FAM186A: variants seen among roughly 807,000 people sequenced by gnomAD.
The protein encoded by FAM186A is protein FAM186A.
FAM186A carries 163 observed loss-of-function variants against 216.8 expected under a neutral mutation model. That is an observed-to-expected ratio of 0.75 (90% CI 0.66 to 0.86). FAM186A has a LOEUF of 0.86. Ranked by LOEUF, FAM186A falls within the 40% of genes least tolerant of loss-of-function variation. The probability of loss-of-function intolerance (pLI) is 0.00; values close to 1 mark genes in which losing one functional copy is unlikely to be tolerated. For synonymous variants in FAM186A, 805 were observed against 1,025.3 expected (o/e 0.79, Z 4.10); for missense variants, 2,184 against 2,746.2 (o/e 0.80, Z 4.58).
intron 4 of FAM186A, among the ~76,000 whole-genome samples, chr12:50,339,741 T>TAC (rs10611207): frequency 0.024 from 3,549 of 148,468 alleles, 98 homozygotes; most frequent in East Asian, 0.088. Flanking sequence ...CAAAGTACTT[T>TAC]ACACACACAC....
rs561710867 is a variant in FAM186A, at chr12:50,361,999, G to A, written c.413-1073C>T. On this transcript the variant is annotated intron_variant, in intron 2 of 7. Coordinates refer to ENST00000327337, the MANE Select transcript of FAM186A (RefSeq NM_001145475.3). ...TGTTTTTGTTGTTGTTTTGGAGACAGTCTCACTCTGTCACCCAGGCTGGAG... is the reference window on the plus strand; with the variant it reads ...TGTTTTTGTTGTTGTTTTGGAGACAATCTCACTCTGTCACCCAGGCTGGAG... Among the ~76,000 whole-genome samples the A allele has an allele frequency of 4.6e-5, 7 of 152,026 alleles. No homozygotes were observed. In the South Asian group the frequency reaches 1.5e-3, roughly 32 times the overall value.
At chr12:50,372,214 A>T (rs866882214) in intron 1 of FAM186A, among the ~76,000 whole-genome samples, 6 of 152,214 alleles carry the variant, frequency 3.9e-5, no homozygotes, top group African/African-American at 1.4e-4. Context: ...ATCTAACTTA[A>T]GTCAAGAACA....
intron 1 of FAM186A, among the ~76,000 whole-genome samples, chr12:50,394,755 T>TTA (rs1408675684): frequency 7.2e-6 from 1 of 139,364 alleles, no homozygotes; most frequent in African/African-American, 2.7e-5. Context: ...TTTTTTTTTT[T>TTA]TTTTTAGAGA....
chr12:50,343,900 T>A (rs1406076028), intron 4 of FAM186A, among the ~76,000 whole-genome samples: 1 of 150,224 alleles, frequency 6.7e-6, no homozygotes, highest in African/African-American at 2.4e-5. Flanking sequence ...ATTATAGGTG[T>A]GAGCCACCAC....
intron 3 of FAM186A, among the ~76,000 whole-genome samples, chr12:50,359,581 C>G (rs1010972674): frequency 2.0e-5 from 3 of 151,802 alleles, no homozygotes; most frequent in African/African-American, 4.8e-5. Flanking sequence ...TCTACCCCCC[C>G]AAAAAAAATG....
rs1267700373 is a variant in FAM186A at position 50,352,805 on chromosome 12, G to A, written c.4027C>T (p.Gln1343Ter). ...QTQEITLTPQ[Q>*]AQALGMPLTT... ...AGAGGCATCCCCAAGGCCTGGGCCT[G>A]CTGAGGGGTGAGAGTGATCTCCTGA... is the stretch of plus-strand genomic sequence containing the variant. The change falls in exon 4 of 8, where the codon CAG (glutamine) becomes TAG (stop). Residue 1343 changes from glutamine (Q) to a stop codon, truncating the protein, a stop_gained. Coordinates refer to ENST00000327337, the MANE Select transcript of FAM186A (RefSeq NM_001145475.3). LOFTEE classifies it high-confidence loss of function. 3.2e-6 allele frequency: 5 copies of A among 1,549,056 alleles called. No individual in the cohort carries two copies. The African/African-American group carries it at 6.9e-5, about 21-fold the overall frequency.
chr12:50,343,717 C>T (rs1446509213), intron 4 of FAM186A, among the ~76,000 whole-genome samples: 3 of 152,190 alleles, frequency 2.0e-5, no homozygotes, highest in Admixed American at 6.5e-5. Context: ...CTCCCGGGTT[C>T]AAGCCATTCT....
intron 1 of FAM186A, among the ~76,000 whole-genome samples, chr12:50,390,378 C>T (rs1592637863): frequency 6.6e-6 from 1 of 152,164 alleles, no homozygotes; most frequent in Non-Finnish European, 1.5e-5. Context: ...TCAACTGGCT[C>T]AAGTTTGGGA....
At chr12:50,376,747 T>TCTC (rs1491200928) in intron 1 of FAM186A, among the ~76,000 whole-genome samples, 3 of 4,648 alleles carry the variant, frequency 6.5e-4, no homozygotes, top group African/African-American at 7.7e-4. Flanking sequence ...TCTCTCTCTC[T>TCTC]TTTTTTTTTT....
intron 1 of FAM186A, among the ~76,000 whole-genome samples, chr12:50,381,851 T>C (rs577211995): frequency 6.6e-6 from 1 of 152,188 alleles, no homozygotes; most frequent in Admixed American, 6.6e-5. Flanking sequence ...TCCCAGCTAC[T>C]GAAGGGGCTG....
chr12:50,338,352 C>T (rs1003862680), intron 4 of FAM186A, among the ~76,000 whole-genome samples: 1 of 152,086 alleles, frequency 6.6e-6, no homozygotes, highest in East Asian at 1.9e-4. Flanking sequence ...CAGGCTGCAC[C>T]ACCACGCCCA....
intron 4 of FAM186A, among the ~76,000 whole-genome samples, chr12:50,337,658 G>T (rs1339311348): frequency 1.3e-5 from 2 of 151,804 alleles, no homozygotes; most frequent in Non-Finnish European, 2.9e-5. Context: ...AGCACTTTGG[G>T]AGGCTGAGGC....
intron 1 of FAM186A, among the ~76,000 whole-genome samples, chr12:50,387,508 C>A (rs754274926): frequency 6.6e-6 from 1 of 152,170 alleles, no homozygotes; most frequent in Non-Finnish European, 1.5e-5. Flanking sequence ...AGAGGGAGAT[C>A]TTCCCAGAGG....
intron 2 of FAM186A, among the ~76,000 whole-genome samples, chr12:50,362,255 G>A (rs1943043144): frequency 6.6e-6 from 1 of 152,024 alleles, no homozygotes; most frequent in Non-Finnish European, 1.5e-5. Flanking sequence ...TTACAGGCGT[G>A]AGCCACCGCA....
In FAM186A at chr12:50,327,317, C is replaced by G. The variant is rs765866264; in HGVS notation, c.*66G>C. On this transcript the variant is annotated 3_prime_UTR_variant, in exon 8 of 8. Coordinates refer to ENST00000327337, the MANE Select transcript of FAM186A (RefSeq NM_001145475.3). ...AGCAATATATACGCATGAAAGAGAA[C>G]AAAATAGGCATTTTACTGAAAGATA... 837 of 1,335,950 alleles carry G rather than the reference C, an allele frequency of 6.3e-4. 1 individual carries two copies. The highest frequency in any genetic ancestry group is 5.9e-4 in the Non-Finnish European group (563 of 952,812). 82.8% of individuals were successfully genotyped at this position (1,335,950 alleles called of 1,614,324 possible).
At chr12:50,330,917 T>A (rs1942650834) in intron 6 of FAM186A, among the ~76,000 whole-genome samples, 159 bp from the exon 7 acceptor site, 2 of 152,168 alleles carry the variant, frequency 1.3e-5, no homozygotes, top group South Asian at 4.1e-4. Flanking sequence ...GAGAGATGGA[T>A]GAAAAAGCAG....
intron 4 of FAM186A, among the ~76,000 whole-genome samples, chr12:50,338,257 A>G (rs1039871313): frequency 5.3e-5 from 8 of 152,182 alleles, no homozygotes; most frequent in Non-Finnish European, 8.8e-5. Context: ...GCTGGAGTAC[A>G]ATGGTGCAAT....
At chr12:50,374,425 AAC>A (rs1943178484) in intron 1 of FAM186A, among the ~76,000 whole-genome samples, 2 of 152,146 alleles carry the variant, frequency 1.3e-5, no homozygotes, top group African/African-American at 4.8e-5. Context: ...AATAGAAACA[AAC>A]AATATCCTTA....
rs538502101 is a variant in FAM186A, at chr12:50,352,146, T to A, written c.4686A>T (p.Glu1562Asp). ...GIPLIPPQAQ[E>D]LEIPLTPQQA... is the part of the protein sequence containing the mutation. ...GCTGAGGGGTGAGAGGGATCTCCAA[T>A]TCCTGAGCCTGCGGAGGGATGAGAG... is the stretch of plus-strand genomic sequence containing the variant. Residue 1562 changes from glutamate to aspartate, a missense_variant, in exon 4 of 8, where the codon GAA becomes GAT. Physicochemically the swap from Glu to Asp is conservative, Grantham distance 45. This residue lies in a region of FAM186A where 16 missense variants were observed against 91.3 expected (regional missense o/e 0.18). Transcript: ENST00000327337. 1 of 1,349,058 alleles carries A rather than the reference T, an allele frequency of 7.4e-7. No homozygotes were observed. Among genetic ancestry groups the A allele is most frequent in the Non-Finnish European group, 9.6e-7 (1 of 1,039,402 alleles). The allele number at this position is 1,349,058 out of a possible 1,614,324, so 83.6% of individuals were successfully genotyped here. A position where few individuals can be genotyped will look rare whatever the true frequency, so the allele number is the denominator to read the frequency against.
Sources: gnomAD v4.1 joint callset for allele counts (sites outside exome capture counted in the v4.1 genomes callset) on GRCh38, gnomAD v4.1.1 for gene constraint, gnomAD v4.1.1 regional missense constraint, MANE v1.5 for transcripts, NCBI Gene and HGNC (gene_info 2026-07-23, HGNC 2026-07-21) for gene names.